Variants in ZNF768 observed in about 807,000 individuals in gnomAD.
ZNF768 encodes the protein zinc finger protein 768.
In ZNF768, 12 loss-of-function variants were observed where a neutral mutation model predicts 39.7. The observed-to-expected ratio is 0.30, with a 90% CI of 0.19 to 0.49. The LOEUF (loss-of-function observed/expected upper bound fraction) is 0.49. Ranked by LOEUF, ZNF768 falls within the 20% of genes least tolerant of loss-of-function variation. The pLI is 0.99. For missense variants in ZNF768, 613 were observed against 723.2 expected (o/e 0.85, Z 1.75); for synonymous variants, 360 against 288.4 (o/e 1.25, Z -2.52).
upstream of ZNF768, among the ~76,000 whole-genome samples, chr16:30,529,821 GTT>G (rs1272934657): frequency 0.011 from 1,479 of 132,652 alleles, 21 homozygotes; most frequent in African/African-American, 0.039. Flanking sequence ...GGAGTAGCTA[GTT>G]TTTTTTTTTT....
chr16:30,527,234 G>A (rs978828398), upstream of ZNF768: 3 of 985,544 alleles, frequency 3.0e-6, no homozygotes, highest in Non-Finnish European at 3.6e-6. Context: ...CTTGAGCCTG[G>A]GACCCCCTCC....
the ZNF768 span, chr16:30,532,097 G>A: frequency 4.7e-6 from 1 of 212,676 alleles, no homozygotes; most frequent in Non-Finnish European, 9.6e-6. Context: ...GCAGTGAGTC[G>A]AGATCGCACC....
upstream of ZNF768, among the ~76,000 whole-genome samples, chr16:30,529,583 A>C (rs1298617564): frequency 6.6e-6 from 1 of 152,236 alleles, no homozygotes; most frequent in East Asian, 1.9e-4. Context: ...CTAAGTACCC[A>C]GGAAGACAGC....
upstream of ZNF768, chr16:30,531,164 GATAAACACC>G (rs1353922790): frequency 6.6e-6 from 1 of 152,188 alleles, no homozygotes; most frequent in Non-Finnish European, 1.5e-5. Context: ...TGTACTTTAA[GATAAACACC>G]AAAAACACTA....
chr16:30,525,864 C>T lies in ZNF768; in HGVS notation c.276G>A (p.Gly92=), dbSNP rs753690839. 2.2e-5 allele frequency: 33 copies of T among 1,522,292 alleles called. No individual in the cohort carries two copies. The highest frequency in any genetic ancestry group is 2.5e-5 in the Non-Finnish European group (28 of 1,139,274). 94.3% of individuals were successfully genotyped at this position (1,522,292 alleles called of 1,614,324 possible). A position where few individuals can be genotyped will look rare whatever the true frequency, so the allele number is the denominator to read the frequency against. ...CAAACTCAGGGCTTGGGGGCACAAG[C>T]CCAGGGCTTCGGGACTCAAACCCCG... is the stretch of plus-strand genomic sequence containing the variant. ...ESPGFESRSP[G]LVPPSPEFAP... is the part of the protein sequence containing the mutation. The change falls in exon 2 of 2, where the codon GGG becomes GGA. Residue 92 remains glycine, a synonymous_variant. Transcript: ENST00000380412.
At chr16:30,528,510 C>T (rs1338191210), upstream of ZNF768, among the ~76,000 whole-genome samples, 4 of 152,132 alleles carry the variant, frequency 2.6e-5, no homozygotes, top group Admixed American at 1.3e-4. Context: ...GCCGAGATCT[C>T]GCCACTGCAC....
upstream of ZNF768, chr16:30,527,705 C>T (rs918881280): frequency 6.6e-6 from 1 of 152,458 alleles, no homozygotes; most frequent in African/African-American, 2.4e-5. Context: ...GACAGACACC[C>T]TTCCTCCTCG....
chr16:30,527,313 C>T, upstream of ZNF768: 1 of 985,362 alleles, frequency 1.0e-6, no homozygotes, highest in Non-Finnish European at 1.2e-6. Context: ...AGCTCGGCTC[C>T]CCTGATCCTC....
In ZNF768 at chr16:30,525,419, C is replaced by A; in HGVS notation, c.721G>T (p.Ala241Ser). Residue 241 changes from alanine (A) to serine (S), a missense_variant, in exon 2 of 2, where the codon GCC becomes TCC. Ala to Ser is a moderately conservative substitution (Grantham distance 99, BLOSUM62 1). Coordinates refer to ENST00000380412, the MANE Select transcript of ZNF768 (RefSeq NM_024671.4). ...MLQNPLGLTG[A>S]LRGPGRRGGR... Reference sequence around the variant, plus strand: ...CCCCGCCGACCTGGACCTCGAAGGGCTCCTGTGAGACCCAGGGGATTCTGA... The same window carrying A: ...CCCCGCCGACCTGGACCTCGAAGGGATCCTGTGAGACCCAGGGGATTCTGA... The A allele has an allele frequency of 6.2e-7, 1 of 1,614,184 alleles. No homozygotes were observed. Among genetic ancestry groups the A allele is most frequent in the South Asian group, 1.1e-5 (1 of 91,088 alleles).
Position 30,525,632 on chromosome 16 carries a change from A to G in ZNF768, c.508T>C (p.Phe170Leu), listed in dbSNP as rs767484209. 2 of 1,614,206 alleles carry G rather than the reference A, an allele frequency of 1.2e-6. No individual in the cohort carries two copies. The highest frequency in any genetic ancestry group is 1.7e-5 in the Admixed American group (1 of 60,028). Reference sequence around the variant, plus strand: ...AGAAGCATCTCCGCACCTTCCTGGAATTTGGAACTTTGAGCTTCAAATTCT... The same window carrying G: ...AGAAGCATCTCCGCACCTTCCTGGAGTTTGGAACTTTGAGCTTCAAATTCT... ...SPEFEAQSSKFQEGAEMLLNP... is the reference protein window; with the variant it reads ...SPEFEAQSSKLQEGAEMLLNP... The change falls in exon 2 of 2, where the codon TTC (phenylalanine) becomes CTC (leucine). Residue 170 changes from phenylalanine to leucine, a missense_variant. Phe to Leu is a conservative substitution (Grantham distance 22). Around this residue, in one of 4 missense-constraint regions of ZNF768, gnomAD observed 347 missense variants for 326.1 expected, o/e 1.06. Coordinates refer to ENST00000380412, the MANE Select transcript of ZNF768 (RefSeq NM_024671.4).
Position 30,525,140 on chromosome 16 carries a change from G to GA in ZNF768, c.999dup (p.Arg334SerfsTer50). ...TGGCCAGAGTGAGTGCGCTGGTGGC[G>GA]AAGCAGGTAAGAGCTGTCGGCGAAG... On this transcript the variant is annotated frameshift_variant, in exon 2 of 2. Coordinates refer to ENST00000380412, the MANE Select transcript of ZNF768 (RefSeq NM_024671.4). LOFTEE classifies it high-confidence loss of function. 1 of 1,613,794 alleles carries GA rather than the reference G, an allele frequency of 6.2e-7. No individual in the cohort carries two copies. The highest frequency in any genetic ancestry group is 2.2e-5 in the East Asian group (1 of 44,842).
rs761223651 is a variant in ZNF768 at position 30,525,451 on chromosome 16, T to G, written c.689A>C (p.Glu230Ala). 1.2e-6 allele frequency: 2 copies of G among 1,614,104 alleles called. No homozygotes were observed. Among genetic ancestry groups the G allele is most frequent in the Admixed American group, 3.3e-5 (2 of 60,030 alleles). ...GAGACCCAGGGGATTCTGAAGCATC[T>G]CAAACTGCGGTGTAGACAGCAGGGC... ...TGALLSTPQF[E>A]MLQNPLGLTG... Residue 230 changes from glutamate (E) to alanine (A), a missense_variant, in exon 2 of 2, where the codon GAG becomes GCG. Coordinates refer to ENST00000380412, the MANE Select transcript of ZNF768 (RefSeq NM_024671.4).
rs2051323106 is a variant in ZNF768 at position 30,526,316 on chromosome 16, CCCT to C, written c.88+7_88+9del. 3.1e-6 allele frequency: 5 copies of C among 1,608,346 alleles called. No individual in the cohort carries two copies. Among genetic ancestry groups the C allele is most frequent in the Admixed American group, 1.7e-5 (1 of 59,642 alleles). On this transcript the variant is annotated splice_region_variant and intron_variant, in intron 1 of 1. Transcript: ENST00000380412. ...CAAGTCCACTCCTCGGACGGGCGCT[CCCT>C]CCTCACCTCTGAGGTACCCTTCGGG...
At chr16:30,530,878 G>C (rs940172281), upstream of ZNF768, 1 of 152,312 alleles carries the variant, frequency 6.6e-6, no homozygotes, top group African/African-American at 2.4e-5. The surrounding 1 kb of genome is among the most constrained non-coding windows in gnomAD (Gnocchi z 4.4). Flanking sequence ...GGCAGGGGCT[G>C]CCCGTGGCTG....
rs1423228509 is a variant in ZNF768 at position 30,525,173 on chromosome 16, C to T, written c.967G>A (p.Gly323Ser). 26 of 1,613,986 alleles carry T rather than the reference C, an allele frequency of 1.6e-5. No homozygotes were observed. The highest frequency in any genetic ancestry group is 4.4e-5 in the South Asian group (4 of 91,082). Residue 323 changes from glycine to serine, a missense_variant, in exon 2 of 2, where the codon GGC (glycine) becomes AGC (serine). Around this residue, in one of 4 missense-constraint regions of ZNF768, gnomAD observed 22 missense variants for 63.4 expected, o/e 0.35. Coordinates refer to ENST00000380412, the MANE Select transcript of ZNF768 (RefSeq NM_024671.4). ...GERPYKCPRCGKAFADSSYLL... is the reference protein window; with the variant it reads ...GERPYKCPRCSKAFADSSYLL... ...TAAGAGCTGTCGGCGAAGGCCTTGC[C>T]GCAACGGGGACATTTGTAGGGCCGC...
upstream of ZNF768, chr16:30,527,133 G>A (rs2051335039): frequency 2.0e-6 from 2 of 985,370 alleles, no homozygotes; most frequent in South Asian, 4.7e-5. Context: ...CAGCGGGGGC[G>A]GTGTCTCGCT....
chr16:30,525,892 C>T lies in ZNF768; in HGVS notation c.248G>A (p.Ser83Asn), dbSNP rs35566698. The change falls in exon 2 of 2, where the codon AGC becomes AAC. Residue 83 changes from serine to asparagine, a missense_variant. Coordinates refer to ENST00000380412, the MANE Select transcript of ZNF768 (RefSeq NM_024671.4). The part of the protein sequence containing the change: ...EPQSPRFEPE[S>N]PGFESRSPGL... Reference sequence around the variant, plus strand: ...AGGGCTTCGGGACTCAAACCCCGGGCTTTCAGGCTCAAATCTGGGGCTTTG... The same window carrying T: ...AGGGCTTCGGGACTCAAACCCCGGGTTTTCAGGCTCAAATCTGGGGCTTTG... The T allele has an allele frequency of 4.6e-6, 7 of 1,519,446 alleles. No individual in the cohort carries two copies. Among genetic ancestry groups the T allele is most frequent in the Non-Finnish European group, 6.2e-6 (7 of 1,137,332 alleles). 94.1% of individuals were successfully genotyped at this position (1,519,446 alleles called of 1,614,324 possible). A position where few individuals can be genotyped will look rare whatever the true frequency, so the allele number is the denominator to read the frequency against.
chr16:30,526,954 C>G, upstream of ZNF768: 1 of 985,566 alleles, frequency 1.0e-6, no homozygotes, highest in Non-Finnish European at 1.2e-6. Context: ...CCGGACGCCC[C>G]GGAGCCCGCG....
chr16:30,525,478 C>T lies in ZNF768; in HGVS notation c.662G>A (p.Gly221Glu), dbSNP rs1443825236. Residue 221 changes from glycine (G) to glutamate (E), a missense_variant, in exon 2 of 2, where the codon GGG becomes GAG. Physicochemically the swap from Gly to Glu is moderately conservative, Grantham distance 98. This residue lies in a region of ZNF768 where 347 missense variants were observed against 326.1 expected (regional missense o/e 1.06). Coordinates refer to ENST00000380412, the MANE Select transcript of ZNF768 (RefSeq NM_024671.4). ...PIGPPFEMPT[G>E]ALLSTPQFEM... ...AAACTGCGGTGTAGACAGCAGGGCCCCTGTGGGCATCTCAAAAGGTGGCCC... is the reference window on the plus strand; with the variant it reads ...AAACTGCGGTGTAGACAGCAGGGCCTCTGTGGGCATCTCAAAAGGTGGCCC... The T allele has an allele frequency of 3.1e-6, 5 of 1,614,018 alleles. No homozygotes were observed. The highest frequency in any genetic ancestry group is 2.2e-5 in the East Asian group (1 of 44,900).
Sources: gnomAD v4.1 joint callset for allele counts (sites outside exome capture counted in the v4.1 genomes callset) on GRCh38, gnomAD v4.1.1 for gene constraint, gnomAD v4.1.1 regional missense constraint, Gnocchi (gnomAD v3.1) non-coding constraint, MANE v1.5 for transcripts, NCBI Gene and HGNC (gene_info 2026-07-23, HGNC 2026-07-21) for gene names.